Variants in RBFOX1 observed in about 807,000 individuals in gnomAD.
The protein encoded by RBFOX1 is RNA binding fox-1 homolog 1.
Under a neutral mutation model 57.7 loss-of-function variants are expected in RBFOX1, and 8 were observed. That is an observed-to-expected ratio of 0.14 (90% CI 0.08 to 0.25). The LOEUF (loss-of-function observed/expected upper bound fraction) is 0.25, where lower values mean the gene tolerates loss of function less well. RBFOX1 is among the 10% of genes least tolerant of loss of function. The pLI, the probability that RBFOX1 is intolerant of heterozygous loss-of-function variation, is 1.00. For synonymous variants in RBFOX1, 326 were observed against 222.4 expected (o/e 1.47, Z -4.15); for missense variants, 611 against 548.5 (o/e 1.11, Z -1.14).
At chr16:6,138,246 G>A (rs2096683544) in intron 1 of RBFOX1, among the ~76,000 whole-genome samples, 1 of 152,324 alleles carries the variant, frequency 6.6e-6, no homozygotes, top group Middle Eastern at 3.4e-3. Flanking sequence ...ATGTTCTGCT[G>A]TTGCCTTTCT....
intron 2 of RBFOX1, among the ~76,000 whole-genome samples, chr16:6,444,911 G>A (rs8049426): frequency 0.17 from 26,329 of 152,066 alleles, 2,627 homozygotes; most frequent in East Asian, 0.4. Context: ...CCAGGTTTTC[G>A]TTTTCTATGG....
intron 2 of RBFOX1, among the ~76,000 whole-genome samples, chr16:5,479,930 T>C (rs2069466674): frequency 6.6e-6 from 1 of 152,158 alleles, no homozygotes; most frequent in Non-Finnish European, 1.5e-5. Flanking sequence ...TCCAGGGTCC[T>C]TCCCTTCCTT....
Position 5,770,752 on chromosome 16 carries a change from CCT to C in RBFOX1, c.319-96550_319-96549del, listed in dbSNP as rs1388943547. ...ACTGATTTATTCCACTGTTTAAACA[CCT>C]AATGTACAATGAACTGGCAGGATGT... On this transcript the variant is annotated intron_variant, in intron 3 of 19. Coordinates refer to the RBFOX1 transcript ENST00000641259. 3.3e-5 allele frequency among the ~76,000 whole-genome samples: 5 copies of C among 152,262 alleles called. No individual in the cohort carries two copies. In the East Asian group the frequency reaches 9.6e-4, roughly 29 times the overall value.
At chr16:7,127,483 A>G (rs2068907632) in intron 4 of RBFOX1, among the ~76,000 whole-genome samples, 1 of 152,216 alleles carries the variant, frequency 6.6e-6, no homozygotes, top group African/African-American at 2.4e-5. Flanking sequence ...AGAAATAAAT[A>G]GAGCAGTTTT....
At chr16:7,473,448 T>A (rs1451906607) in intron 4 of RBFOX1, among the ~76,000 whole-genome samples, 1 of 148,098 alleles carries the variant, frequency 6.8e-6, no homozygotes, top group Non-Finnish European at 1.5e-5. Context: ...ATTTTATACA[T>A]TATGTATTCA....
chr16:7,144,450 C>T (rs1047800419), intron 4 of RBFOX1, among the ~76,000 whole-genome samples: 6 of 92,276 alleles, frequency 6.5e-5, no homozygotes, highest in African/African-American at 2.5e-4. Context: ...AGTCAGGGCC[C>T]CTCTGTTGTT....
intron 4 of RBFOX1, among the ~76,000 whole-genome samples, chr16:7,463,998 C>G (rs990093266): frequency 3.9e-5 from 6 of 152,206 alleles, no homozygotes; most frequent in Non-Finnish European, 7.3e-5. Flanking sequence ...AAGTGTGAAG[C>G]TGAGACCCTA....
chr16:6,207,888 G>A (rs2097265786), intron 1 of RBFOX1, among the ~76,000 whole-genome samples: 1 of 151,960 alleles, frequency 6.6e-6, no homozygotes, highest in Non-Finnish European at 1.5e-5. Flanking sequence ...ACAGCCTGTT[G>A]CCTAGGCTGA....
intron 1 of RBFOX1, among the ~76,000 whole-genome samples, chr16:5,423,123 G>A (rs890067801): frequency 6.6e-6 from 1 of 150,782 alleles, no homozygotes; most frequent in Admixed American, 6.6e-5. Flanking sequence ...GGAAGGGGAG[G>A]GAGGAGGTGG....
At chr16:6,854,999 G>C (rs1302349579) in intron 3 of RBFOX1, among the ~76,000 whole-genome samples, 1 of 151,934 alleles carries the variant, frequency 6.6e-6, no homozygotes, top group African/African-American at 2.4e-5. Flanking sequence ...GGTGGCAAAG[G>C]AGTCAGTGCC....
At chr16:6,907,840 C>T (rs956542154) in intron 3 of RBFOX1, among the ~76,000 whole-genome samples, 13 of 151,824 alleles carry the variant, frequency 8.6e-5, no homozygotes, top group African/African-American at 2.6e-4. Context: ...TCCCAAAGTG[C>T]TGGGATTACA....
At chr16:6,832,549 C>T (rs573373448) in intron 3 of RBFOX1, among the ~76,000 whole-genome samples, 1 of 152,158 alleles carries the variant, frequency 6.6e-6, no homozygotes, top group Non-Finnish European at 1.5e-5. Context: ...GTATGAATGT[C>T]TTGGGGTCTC....
At chr16:5,662,727 A>AG (rs1397187089) in intron 3 of RBFOX1, among the ~76,000 whole-genome samples, 1 of 152,240 alleles carries the variant, frequency 6.6e-6, no homozygotes, top group African/African-American at 2.4e-5. Context: ...ACACAGCAGT[A>AG]GGGGGTGGAG....
At chr16:5,821,503 A>G (rs973205048) in intron 3 of RBFOX1, among the ~76,000 whole-genome samples, 1 of 151,946 alleles carries the variant, frequency 6.6e-6, no homozygotes, top group Admixed American at 6.6e-5. Flanking sequence ...AGGTCTTGCT[A>G]TGGTGTTCAG....
At chr16:6,508,894 A>G (rs955121275) in intron 2 of RBFOX1, among the ~76,000 whole-genome samples, 3 of 152,184 alleles carry the variant, frequency 2.0e-5, no homozygotes, top group African/African-American at 7.2e-5. Context: ...AAAGATTCTT[A>G]ACACTGTTGT....
rs1366976933 is a variant in RBFOX1, at chr16:6,966,652, C to T, written c.-15-85405C>T. ...CAAGAGGCAAGGTGGAATGATGTTG[C>T]TGTTAGGCATGAGATAGTGCAAGCT... On this transcript the variant is annotated intron_variant, in intron 3 of 15. Transcript: ENST00000550418. Among the ~76,000 whole-genome samples, 5 of 152,246 alleles carry T rather than the reference C, an allele frequency of 3.3e-5. No individual in the cohort carries two copies. In the East Asian group the frequency reaches 9.7e-4, roughly 29 times the overall value.
At chr16:7,289,131 G>C (rs148203143) in intron 4 of RBFOX1, among the ~76,000 whole-genome samples, 13 of 152,304 alleles carry the variant, frequency 8.5e-5, no homozygotes, top group Middle Eastern at 3.4e-3. Flanking sequence ...CCTCCTTAGA[G>C]ATGTCTGTGG....
intron 3 of RBFOX1, among the ~76,000 whole-genome samples, chr16:6,750,756 C>G (rs1252464080): frequency 6.6e-6 from 1 of 152,260 alleles, no homozygotes; most frequent in African/African-American, 2.4e-5. Flanking sequence ...GAGACAGACC[C>G]TTGCCTTTGT....
chr16:5,418,446 G>A (rs1034674274), intron 1 of RBFOX1, among the ~76,000 whole-genome samples: 9 of 152,132 alleles, frequency 5.9e-5, no homozygotes, highest in African/African-American at 1.9e-4. Context: ...TGTAATGACT[G>A]AATTACGCCA....
Sources: gnomAD v4.1 joint callset for allele counts (sites outside exome capture counted in the v4.1 genomes callset) on GRCh38, gnomAD v4.1.1 for gene constraint, MANE v1.5 for transcripts, NCBI Gene and HGNC (gene_info 2026-07-23, HGNC 2026-07-21) for gene names.